The following PCDHGA6 variants were observed in gnomAD, a reference collection of about 807,000 sequenced individuals.
PCDHGA6 encodes protocadherin gamma subfamily A, 6.
PCDHGA6 carries 41 observed loss-of-function variants against 60.6 expected under a neutral mutation model. The ratio of observed to expected loss-of-function variants is 0.68; its 90% confidence interval spans 0.53 to 0.88. The LOEUF is 0.88. Ranked by LOEUF, PCDHGA6 falls within the 40% of genes least tolerant of loss-of-function variation. The pLI, the probability that PCDHGA6 is intolerant of heterozygous loss-of-function variation, is 0.00. For synonymous variants in PCDHGA6, 594 were observed against 524.4 expected (o/e 1.13, Z -1.81); for missense variants, 1,312 against 1,203.0 (o/e 1.09, Z -1.34).
chr5:141,415,915 TGC>T, intron 1 of PCDHGA6: 1 of 724,854 alleles, frequency 1.4e-6, no homozygotes, highest in Non-Finnish European at 1.9e-6. Flanking sequence ...CATACAGAAG[TGC>T]CTGTCAATTT....
intron 1 of PCDHGA6, chr5:141,399,845 T>G: frequency 6.2e-7 from 1 of 1,612,982 alleles, no homozygotes; most frequent in Non-Finnish European, 8.5e-7. Context: ...CTCTTCGATA[T>G]GGTGCCGCGC....
chr5:141,451,797 C>T (rs1207473455), intron 1 of PCDHGA6, among the ~76,000 whole-genome samples: 1 of 152,006 alleles, frequency 6.6e-6, no homozygotes, highest in African/African-American at 2.4e-5. Context: ...CAGAGAATTG[C>T]TTGAACCCAG....
chr5:141,409,567 G>A (rs974585499), intron 1 of PCDHGA6: 1 of 1,613,896 alleles, frequency 6.2e-7, no homozygotes, highest in African/African-American at 1.3e-5. Flanking sequence ...TCGACCAGAC[G>A]TCCTACGTGG....
intron 1 of PCDHGA6, among the ~76,000 whole-genome samples, chr5:141,471,887 G>T (rs1215891997): frequency 6.6e-6 from 1 of 152,152 alleles, no homozygotes; most frequent in African/African-American, 2.4e-5. Context: ...CTGAAGCTAG[G>T]AAGATTGACT....
chr5:141,496,225 G>C (rs112222482), intron 2 of PCDHGA6, among the ~76,000 whole-genome samples: 178 of 152,276 alleles, frequency 1.2e-3, no homozygotes, highest in Non-Finnish European at 1.8e-3. Context: ...TGCTGAGACA[G>C]GAACCCCCTG....
At chr5:141,442,202 G>A (rs1033563159) in intron 1 of PCDHGA6, 2 of 153,258 alleles carry the variant, frequency 1.3e-5, no homozygotes, top group African/African-American at 4.8e-5. Context: ...TTTATATCTG[G>A]TGATTGCCTT....
Position 141,490,975 on chromosome 5 carries a change from C to T in PCDHGA6, c.2425-3832C>T. 1 of 1,614,056 alleles carries T rather than the reference C, an allele frequency of 6.2e-7. No individual in the cohort carries two copies. Among genetic ancestry groups the T allele is most frequent in the African/African-American group, 1.3e-5 (1 of 75,070 alleles). ...CTGGGAACACTCAGCCCCCCAGCGT[C>T]TCCCTCGCTCTGCTCCTCCTGGCTC... On this transcript the variant is annotated intron_variant, in intron 1 of 3. Coordinates refer to ENST00000517434, the MANE Select transcript of PCDHGA6 (RefSeq NM_018919.3). This position sits in a 1 kb window ranked among gnomAD's most constrained non-coding sequence, Gnocchi z 5.4.
intron 1 of PCDHGA6, among the ~76,000 whole-genome samples, chr5:141,454,261 A>T (rs183133499): frequency 1.3e-5 from 2 of 152,364 alleles, no homozygotes; most frequent in South Asian, 2.1e-4. Flanking sequence ...CAGAGAAAGT[A>T]ATGCCAGCAA....
intron 2 of PCDHGA6, among the ~76,000 whole-genome samples, chr5:141,499,689 C>CTTTTTTT (rs545067566): frequency 3.3e-5 from 4 of 119,856 alleles, no homozygotes; most frequent in Admixed American, 8.7e-5. Context: ...TAACAGATGA[C>CTTTTTTT]TTTTTTTTTT....
At chr5:141,483,761 GA>G (rs1376816525) in intron 1 of PCDHGA6, among the ~76,000 whole-genome samples, 1 of 152,118 alleles carries the variant, frequency 6.6e-6, no homozygotes, top group African/African-American at 2.4e-5. Flanking sequence ...TCGAGGCTTG[GA>G]AAAATATTGG....
Position 141,485,768 on chromosome 5 carries a change from C to A in PCDHGA6, c.2425-9039C>A, listed in dbSNP as rs759191157. 3.7e-6 allele frequency: 6 copies of A among 1,614,192 alleles called. No individual in the cohort carries two copies. Among genetic ancestry groups the A allele is most frequent in the Middle Eastern group, 1.6e-4 (1 of 6,062 alleles). On this transcript the variant is annotated intron_variant, in intron 1 of 3. Coordinates refer to ENST00000517434, the MANE Select transcript of PCDHGA6 (RefSeq NM_018919.3). The surrounding 1 kb of genome is among the most constrained non-coding windows in gnomAD (Gnocchi z 5.7). ...GGTCCCAGAGCTGCTCCTGGAGAAG[C>A]CTTTGGATCGAGAGAAGCAATCGGA...
intron 1 of PCDHGA6, chr5:141,389,112 C>G (rs376966829): frequency 1.2e-6 from 2 of 1,613,966 alleles, no homozygotes; most frequent in Non-Finnish European, 1.7e-6. Context: ...TGTTCTAGAC[C>G]GCGAGCAGAA....
At chr5:141,508,815 C>T (rs1190983144) in intron 3 of PCDHGA6, among the ~76,000 whole-genome samples, 1 of 152,138 alleles carries the variant, frequency 6.6e-6, no homozygotes, top group East Asian at 1.9e-4. Context: ...TCTTTGAAGC[C>T]AGATCTGGGC....
chr5:141,423,154 C>A, intron 1 of PCDHGA6: 1 of 1,613,466 alleles, frequency 6.2e-7, no homozygotes, highest in South Asian at 1.1e-5. Flanking sequence ...CAAGCAGAGC[C>A]TCGTGGTGGC....
chr5:141,393,304 T>A, intron 1 of PCDHGA6: 1 of 1,613,798 alleles, frequency 6.2e-7, no homozygotes, highest in African/African-American at 1.3e-5. Flanking sequence ...GATGTGGGCG[T>A]GAACTCCCTC....
At chr5:141,397,614 A>ACTAGAACT (rs2150713337) in intron 1 of PCDHGA6, among the ~76,000 whole-genome samples, 1 of 152,358 alleles carries the variant, frequency 6.6e-6, no homozygotes, top group African/African-American at 2.4e-5. Context: ...CAAGGGCAAT[A>ACTAGAACT]CTTAGTTCTA....
At chr5:141,410,363 C>T (rs1341289640) in intron 1 of PCDHGA6, 6 of 1,614,068 alleles carry the variant, frequency 3.7e-6, no homozygotes, top group Non-Finnish European at 3.4e-6. Flanking sequence ...CTCTCTCAGC[C>T]CTGCTACTTG....
chr5:141,383,787 G>T, intron 1 of PCDHGA6: 1 of 1,613,950 alleles, frequency 6.2e-7, no homozygotes, highest in East Asian at 2.2e-5. Context: ...ATCTGAACTC[G>T]CTTACAGGAG....
At chr5:141,415,560 GT>G in intron 1 of PCDHGA6, 1 of 1,613,936 alleles carries the variant, frequency 6.2e-7, no homozygotes, top group Non-Finnish European at 8.5e-7. Flanking sequence ...ACGATCCTTT[GT>G]CTTTGTTAGA....
Sources: allele counts gnomAD v4.1 joint callset (sites outside exome capture counted in the v4.1 genomes callset), GRCh38; gene constraint gnomAD v4.1.1; non-coding constraint Gnocchi (gnomAD v3.1); transcripts MANE v1.5; gene names NCBI Gene and HGNC (gene_info 2026-07-23, HGNC 2026-07-21).